SH3PXD2B: variants seen among roughly 807,000 people sequenced by gnomAD.
SH3PXD2B encodes the protein SH3 and PX domains 2B.
SH3PXD2B carries 37 observed loss-of-function variants against 73.1 expected under a neutral mutation model. The ratio of observed to expected loss-of-function variants is 0.51; its 90% CI spans 0.39 to 0.67. The LOEUF (loss-of-function observed/expected upper bound fraction) is 0.67. Ranked by LOEUF, SH3PXD2B falls within the 30% of genes least tolerant of loss-of-function variation. The pLI, the probability that SH3PXD2B is intolerant of heterozygous loss-of-function variation, is 0.00. For missense variants in SH3PXD2B, 1,053 were observed against 1,197.8 expected (o/e 0.88, Z 1.78); for synonymous variants, 457 against 480.5 (o/e 0.95, Z 0.64).
At chr5:172,444,619 G>A (rs1276465467) in intron 1 of SH3PXD2B, among the ~76,000 whole-genome samples, 1 of 152,166 alleles carries the variant, frequency 6.6e-6, no homozygotes, top group African/African-American at 2.4e-5. Flanking sequence ...GGAATTTCAG[G>A]ATTACTACTG....
At chr5:172,406,003 C>G (rs1052952388) in intron 3 of SH3PXD2B, among the ~76,000 whole-genome samples, 7 of 152,154 alleles carry the variant, frequency 4.6e-5, no homozygotes, top group African/African-American at 1.7e-4. Context: ...CCCACTTATG[C>G]CTAGTGTTCC....
At chr5:172,368,400 C>T (rs769783579) in intron 6 of SH3PXD2B, among the ~76,000 whole-genome samples, 21 of 139,534 alleles carry the variant, frequency 1.5e-4, no homozygotes, top group Non-Finnish European at 2.6e-4. Context: ...TTCATACTGC[C>T]TAACGGCTCG....
At chr5:172,404,656 T>C (rs1758511661) in intron 3 of SH3PXD2B, among the ~76,000 whole-genome samples, 1 of 152,218 alleles carries the variant, frequency 6.6e-6, no homozygotes, top group Non-Finnish European at 1.5e-5. Context: ...ATTGTCAGAT[T>C]GCTGATTTTC....
chr5:172,340,833 G>C (rs922729205), intron 12 of SH3PXD2B, among the ~76,000 whole-genome samples: 28 of 152,268 alleles, frequency 1.8e-4, no homozygotes, highest in Non-Finnish European at 3.8e-4. Flanking sequence ...GGTCTCTAGC[G>C]ATCTGCCTGC....
chr5:172,375,332 C>T (rs182223534), intron 5 of SH3PXD2B, among the ~76,000 whole-genome samples: 131 of 152,272 alleles, frequency 8.6e-4, no homozygotes, highest in Non-Finnish European at 1.7e-3. Context: ...TGCACTCCAG[C>T]CTGGGAGACA....
rs1756747611 is a variant in SH3PXD2B, at chr5:172,338,150, G to T, written c.*219C>A. 3 of 1,444,452 alleles carry T rather than the reference G, an allele frequency of 2.1e-6. No homozygotes were observed. In the East Asian group the frequency reaches 7.5e-5, roughly 36 times the overall value. The allele number at this position is 1,444,452 out of a possible 1,614,324, so 89.5% of individuals were successfully genotyped here. A position where few individuals can be genotyped will look rare whatever the true frequency, so the allele number is the denominator to read the frequency against. ...CATGGACAGAAAGCAAAGGCTGTGG[G>T]TTCTGAGCCTCCAGTGATGCTGTGA... On this transcript the variant is annotated 3_prime_UTR_variant, in exon 13 of 13. Transcript: ENST00000311601. The surrounding 1 kb of genome is among the most constrained non-coding windows in gnomAD (Gnocchi z 5.1).
chr5:172,350,312 G>A, intron 10 of SH3PXD2B, 51 bp downstream of exon 10: 1 of 1,578,110 alleles, frequency 6.3e-7, no homozygotes, highest in East Asian at 2.2e-5. Context: ...TGAGCACAGA[G>A]CTGGCACACA....
chr5:172,392,091 G>A (rs28822423), intron 4 of SH3PXD2B, among the ~76,000 whole-genome samples: 1 of 145,886 alleles, frequency 6.9e-6, no homozygotes, highest in Non-Finnish European at 1.5e-5. Flanking sequence ...ATAGTGTTTT[G>A]CTCTCCACCC....
intron 1 of SH3PXD2B, among the ~76,000 whole-genome samples, chr5:172,425,722 G>A (rs114335418): frequency 0.012 from 1,893 of 152,044 alleles, 40 homozygotes; most frequent in African/African-American, 0.043. Context: ...TGGGGGAGGC[G>A]TGCGACAGGA....
intron 12 of SH3PXD2B, among the ~76,000 whole-genome samples, chr5:172,341,743 T>C (rs1394277042): frequency 6.6e-6 from 1 of 152,144 alleles, no homozygotes; most frequent in Non-Finnish European, 1.5e-5. Flanking sequence ...CTCCGCCGCC[T>C]GGGTTCACGC....
intron 5 of SH3PXD2B, among the ~76,000 whole-genome samples, chr5:172,377,284 G>GA (rs1181421109): frequency 6.6e-6 from 1 of 152,188 alleles, no homozygotes; most frequent in Non-Finnish European, 1.5e-5. Flanking sequence ...GGCTAGGAAA[G>GA]ACGCCCAAAG....
Position 172,364,942 on chromosome 5 carries a change from CAGAAGCCCCTTGTT to C in SH3PXD2B, c.428-2087_428-2074del, listed in dbSNP as rs960142052. Among the ~76,000 whole-genome samples the C allele has an allele frequency of 4.5e-4, 68 of 152,352 alleles. 1 individual carries two copies. Among genetic ancestry groups the C allele is most frequent in the Admixed American group, 3.7e-3 (57 of 15,306 alleles). On this transcript the variant is annotated intron_variant, in intron 6 of 12. Coordinates refer to ENST00000311601, the MANE Select transcript of SH3PXD2B (RefSeq NM_001017995.3). ...CCAGCCTCTGCAACCAGAAGCAGCA[CAGAAGCCCCTTGTT>C]AGAACCATGAGGTCTGGATTTTTGA...
At chr5:172,340,565 T>C (rs1756828631) in intron 12 of SH3PXD2B, among the ~76,000 whole-genome samples, 1 of 152,170 alleles carries the variant, frequency 6.6e-6, no homozygotes, top group African/African-American at 2.4e-5. Context: ...AGAAGTTAGC[T>C]GGCATTTATA....
At chr5:172,443,915 G>C (rs550015134) in intron 1 of SH3PXD2B, among the ~76,000 whole-genome samples, 1 of 152,366 alleles carries the variant, frequency 6.6e-6, no homozygotes, top group East Asian at 1.9e-4. Flanking sequence ...GTCAGTGATA[G>C]GCAGGGGAGC....
chr5:172,339,821 C>G lies in SH3PXD2B; in HGVS notation c.1284G>C (p.Thr428=), dbSNP rs3812017. The part of the protein sequence containing the change: ...PATFIDKYKK[T]SNASRPNFLA... ...GAAAGTTGGGTCTCGACGCGTTGCT[C>G]GTCTTCTTGTACTTGTCAATGAAGG... The change falls in exon 13 of 13, where the codon ACG becomes ACC. Residue 428 remains threonine (T), a synonymous_variant. Transcript: ENST00000311601. This position sits in a 1 kb window ranked among gnomAD's most constrained non-coding sequence, Gnocchi z 6.1. The G allele has an allele frequency of 0.01, 16,477 of 1,613,982 alleles. 739 individuals are homozygous for G. In the African/African-American group the frequency reaches 0.13, roughly 13 times the overall value.
At chr5:172,347,224 G>A in intron 11 of SH3PXD2B, 59 bp downstream of exon 11, 1 of 1,526,204 alleles carries the variant, frequency 6.6e-7, no homozygotes. Flanking sequence ...AGGGGCTAGT[G>A]GACACCCCTC....
intron 1 of SH3PXD2B, among the ~76,000 whole-genome samples, chr5:172,447,142 A>G (rs1759687579): frequency 6.6e-6 from 1 of 152,194 alleles, no homozygotes; most frequent in African/African-American, 2.4e-5. Context: ...AAAAACAAGA[A>G]TATGTGTTCA....
At chr5:172,380,567 G>A (rs542031011) in intron 5 of SH3PXD2B, among the ~76,000 whole-genome samples, 19 of 152,180 alleles carry the variant, frequency 1.2e-4, no homozygotes, top group Non-Finnish European at 2.6e-4. Flanking sequence ...ATTGGGAAAT[G>A]CTTACCAGAC....
At chr5:172,364,626 C>T (rs1757471074) in intron 6 of SH3PXD2B, among the ~76,000 whole-genome samples, 1 of 152,180 alleles carries the variant, frequency 6.6e-6, no homozygotes, top group South Asian at 2.1e-4. Flanking sequence ...GATCGCACCA[C>T]TGCACTCCAG....
Sources: gnomAD v4.1 joint callset for allele counts (sites outside exome capture counted in the v4.1 genomes callset) on GRCh38, gnomAD v4.1.1 for gene constraint, Gnocchi (gnomAD v3.1) non-coding constraint, MANE v1.5 for transcripts, NCBI Gene and HGNC (gene_info 2026-07-23, HGNC 2026-07-21) for gene names.